Variants in NEXMIF observed in about 807,000 individuals in gnomAD.
NEXMIF encodes neurite extension and migration factor.
In NEXMIF, 8 loss-of-function variants were observed where a neutral mutation model predicts 62.1. The ratio of observed to expected loss-of-function variants is 0.13; its 90% CI spans 0.08 to 0.23. NEXMIF has a LOEUF of 0.23. Among genes scored for constraint, NEXMIF ranks in the 10% least tolerant of loss-of-function variants. NEXMIF has a pLI of 1.00. For missense variants in NEXMIF, 976 were observed against 1,113.3 expected, an observed-to-expected ratio of 0.88 and a Z score of 1.75; for synonymous variants, 404 against 416.6, an observed-to-expected ratio of 0.97 and a Z score of 0.37.
chrX:74,827,397 C>T (rs1417593224), intron 1 of NEXMIF, among the ~76,000 whole-genome samples: 2 of 111,593 alleles, frequency 1.8e-5, no homozygotes, highest in Non-Finnish European at 3.8e-5. Context: ...CAGGTGGGCC[C>T]AACTCCATTC....
chrX:74,780,082 C>T (rs1262027521), intron 1 of NEXMIF, among the ~76,000 whole-genome samples: 2 of 112,271 alleles, frequency 1.8e-5, no homozygotes. Flanking sequence ...TATTCCTGGG[C>T]ATTCGTTTGG....
intron 1 of NEXMIF, among the ~76,000 whole-genome samples, chrX:74,869,645 G>A (rs1387005180): frequency 8.9e-6 from 1 of 111,917 alleles, no homozygotes; most frequent in Non-Finnish European, 1.9e-5. Flanking sequence ...CTATCAACAT[G>A]CAGAAATCAG....
At chrX:74,885,961 T>G (rs187689842) in intron 1 of NEXMIF, among the ~76,000 whole-genome samples, 59 of 111,991 alleles carry the variant, frequency 5.3e-4, no homozygotes, top group African/African-American at 1.7e-3. Flanking sequence ...TGATCAAGTG[T>G]GCTTCATCCC....
Position 74,743,153 on chromosome X carries a change from A to G in NEXMIF, c.1404T>C (p.Asn468=). The change falls in exon 3 of 4, where the codon AAT becomes AAC. Residue 468 remains asparagine (N), a synonymous_variant. Transcript: ENST00000055682. ...TCTGTTGGGAGGAGGAGCTGCCAGA[A>G]TTAGTGTCCCGAGCCATATAGCGAC... The part of the protein sequence containing the change: ...DCSRYMARDT[N]SGSSSSQQNY... 1 of 1,211,285 alleles carries G rather than the reference A, an allele frequency of 8.3e-7. No homozygotes were observed. The highest frequency in any genetic ancestry group is 1.7e-5 in the African/African-American group (1 of 57,662).
intron 1 of NEXMIF, among the ~76,000 whole-genome samples, chrX:74,845,808 C>T (rs887850590): frequency 9.1e-6 from 1 of 110,106 alleles, no homozygotes. Context: ...AAAAAAAAAA[C>T]TATACATGAA....
At chrX:74,883,777 A>C (rs1202368987) in intron 1 of NEXMIF, among the ~76,000 whole-genome samples, 3 of 111,538 alleles carry the variant, frequency 2.7e-5, no homozygotes, top group African/African-American at 9.8e-5. Flanking sequence ...CAACATTCAA[A>C]TACAGGAAAT....
chrX:74,739,571 C>T, intron 3 of NEXMIF, 73 bp from the exon 4 acceptor site: 3 of 638,759 alleles, frequency 4.7e-6, no homozygotes. Context: ...ATCATACAAG[C>T]TAAATTTGTT....
intron 1 of NEXMIF, among the ~76,000 whole-genome samples, chrX:74,866,969 A>G (rs1454779412): frequency 1.8e-5 from 2 of 112,553 alleles, no homozygotes; most frequent in Non-Finnish European, 3.7e-5. Flanking sequence ...AAGAATGACA[A>G]GCATTCCTAT....
chrX:74,747,161 C>T (rs756842814), intron 1 of NEXMIF, among the ~76,000 whole-genome samples: 8 of 111,951 alleles, frequency 7.1e-5, no homozygotes, highest in African/African-American at 2.3e-4. Flanking sequence ...GTATCATTTA[C>T]CCCTCTTTTG....
intron 1 of NEXMIF, among the ~76,000 whole-genome samples, chrX:74,860,738 A>T (rs1291646705): frequency 8.9e-6 from 1 of 111,853 alleles, no homozygotes; most frequent in East Asian, 2.8e-4. Flanking sequence ...AACCAATGAG[A>T]TATAGCCAAA....
chrX:74,890,311 T>C (rs1455034954), intron 1 of NEXMIF, among the ~76,000 whole-genome samples: 1 of 110,817 alleles, frequency 9.0e-6, no homozygotes, highest in Non-Finnish European at 1.9e-5. Context: ...TATACCTTTA[T>C]TAATTAGGTA....
intron 1 of NEXMIF, among the ~76,000 whole-genome samples, chrX:74,791,694 G>T (rs1191260602): frequency 9.1e-6 from 1 of 109,860 alleles, no homozygotes; most frequent in Non-Finnish European, 1.9e-5. Context: ...CTTCTTCCTG[G>T]TTTAGTCTTG....
intron 1 of NEXMIF, among the ~76,000 whole-genome samples, chrX:74,909,021 A>G (rs1211203770): frequency 1.8e-5 from 2 of 111,596 alleles, no homozygotes; most frequent in Non-Finnish European, 3.8e-5. Context: ...AAGTCCAATT[A>G]AACTTCTTTT....
chrX:74,852,914 C>A, intron 1 of NEXMIF, among the ~76,000 whole-genome samples: 1 of 110,048 alleles, frequency 9.1e-6, no homozygotes, highest in East Asian at 2.9e-4. Flanking sequence ...CAAATCAAAC[C>A]CAAAATTAGT....
chrX:74,859,803 G>T (rs897507862), intron 1 of NEXMIF, among the ~76,000 whole-genome samples: 3 of 111,558 alleles, frequency 2.7e-5, no homozygotes, highest in Non-Finnish European at 3.8e-5. Flanking sequence ...CATTTTGCTT[G>T]CTTGTTTGTT....
intron 1 of NEXMIF, among the ~76,000 whole-genome samples, chrX:74,759,646 T>C (rs1164048098): frequency 2.7e-5 from 3 of 112,117 alleles, no homozygotes. Context: ...GAATAGGGAG[T>C]CCTTTACCCA....
intron 1 of NEXMIF, among the ~76,000 whole-genome samples, chrX:74,862,149 T>C (rs1435401221): frequency 9.0e-6 from 1 of 111,256 alleles, no homozygotes; most frequent in Non-Finnish European, 1.9e-5. Flanking sequence ...GAGGAAAATT[T>C]ACCCAGCCAA....
intron 1 of NEXMIF, among the ~76,000 whole-genome samples, chrX:74,910,926 G>A (rs1045859593): frequency 8.9e-6 from 1 of 111,768 alleles, no homozygotes; most frequent in African/African-American, 3.3e-5. Context: ...CCAGCCATGT[G>A]GAATTGTAAG....
rs147474847 is a variant in NEXMIF at position 74,884,746 on chromosome X, G to C, written c.-48+40137C>G. Reference sequence around the variant, plus strand: ...ACATTAGACAAATCAATGTGACAGAGAGTTAACAAGGATATCCAGGAATTG... The same window carrying C: ...ACATTAGACAAATCAATGTGACAGACAGTTAACAAGGATATCCAGGAATTG... On this transcript the variant is annotated intron_variant, in intron 1 of 3. Transcript: ENST00000055682. Among the ~76,000 whole-genome samples the C allele has an allele frequency of 4.5e-3, 495 of 111,153 alleles. 1 individual carries two copies. Among genetic ancestry groups the C allele is most frequent in the African/African-American group, 0.015 (452 of 30,560 alleles).
Sources: allele counts gnomAD v4.1 joint callset (sites outside exome capture counted in the v4.1 genomes callset), GRCh38; gene constraint gnomAD v4.1.1; transcripts MANE v1.5; gene names NCBI Gene and HGNC (gene_info 2026-07-23, HGNC 2026-07-21).